The following NAV2 variants were observed in gnomAD, a reference collection of about 807,000 sequenced individuals.
NAV2 encodes the protein helicase, APC down-regulated 1.
In NAV2, 54 loss-of-function variants were observed where a neutral mutation model predicts 223.2. The ratio of observed to expected loss-of-function variants is 0.24; its 90% confidence interval spans 0.19 to 0.30. The LOEUF (loss-of-function observed/expected upper bound fraction) is 0.30. NAV2 is among the 10% of genes least tolerant of loss of function. The pLI is 1.00. For missense variants in NAV2, 2,806 were observed against 3,147.5 expected (o/e 0.89, Z 2.60); for synonymous variants, 1,279 against 1,239.3 (o/e 1.03, Z -0.67).
At chr11:19,641,210 T>C (rs1190483253) in intron 1 of NAV2, among the ~76,000 whole-genome samples, 1 of 152,190 alleles carries the variant, frequency 6.6e-6, no homozygotes, top group East Asian at 1.9e-4. Flanking sequence ...TTCCCAGCCC[T>C]AGGAATTTTG....
Position 19,364,544 on chromosome 11 carries a change from A to C in NAV2, c.75+13517A>C, listed in dbSNP as rs566384148. Among the ~76,000 whole-genome samples the C allele has an allele frequency of 1.9e-4, 29 of 152,298 alleles. No homozygotes were observed. The South Asian group carries it at 4.1e-3, about 22-fold the overall frequency. On this transcript the variant is annotated intron_variant, in intron 1 of 37. Transcript: ENST00000360655. Reference sequence around the variant, plus strand: ...CAATTTTGATCCTAGTCATATGTGAATGGGTCTTTAGCTCCTGCTAGCCTG... The same window carrying C: ...CAATTTTGATCCTAGTCATATGTGACTGGGTCTTTAGCTCCTGCTAGCCTG...
chr11:19,843,757 CTA>C (rs2060632753), intron 3 of NAV2, among the ~76,000 whole-genome samples: 1 of 83,360 alleles, frequency 1.2e-5, no homozygotes. Flanking sequence ...TTCCAGAAAT[CTA>C]AAAAAAAAAA....
At chr11:19,584,164 A>G (rs1252376688) in intron 1 of NAV2, among the ~76,000 whole-genome samples, 2 of 152,130 alleles carry the variant, frequency 1.3e-5, no homozygotes, top group Non-Finnish European at 2.9e-5. Flanking sequence ...GTTTATTTGC[A>G]TAGAGGTGTT....
intron 31 of NAV2, among the ~76,000 whole-genome samples, chr11:20,098,713 A>G (rs1272320670): frequency 6.6e-6 from 1 of 152,236 alleles, no homozygotes; most frequent in African/African-American, 2.4e-5. Flanking sequence ...TCCTCCTGCT[A>G]GCAAGTGAAA....
intron 14 of NAV2, 63 bp downstream of exon 14, chr11:20,045,733 C>G (rs1457276652): frequency 7.2e-7 from 1 of 1,381,378 alleles, no homozygotes; most frequent in African/African-American, 1.4e-5. Flanking sequence ...TTAGTAATTT[C>G]CTGTTTCTTA....
intron 1 of NAV2, among the ~76,000 whole-genome samples, chr11:19,811,479 C>CT (rs1208159241): frequency 6.6e-6 from 1 of 152,160 alleles, no homozygotes; most frequent in Non-Finnish European, 1.5e-5. Context: ...AGGGAGGCTT[C>CT]TATGGGTGGA....
At chr11:19,928,929 A>G (rs2045047741) in intron 6 of NAV2, among the ~76,000 whole-genome samples, 1 of 152,192 alleles carries the variant, frequency 6.6e-6, no homozygotes, top group South Asian at 2.1e-4. Flanking sequence ...GGAAAGCTTC[A>G]TGCTAGGAGT....
chr11:19,816,327 G>T (rs1322755323), intron 1 of NAV2, among the ~76,000 whole-genome samples: 1 of 152,232 alleles, frequency 6.6e-6, no homozygotes, highest in South Asian at 2.1e-4. Context: ...TAAAGCCTTT[G>T]CTACACAACT....
At chr11:19,685,119 C>T (rs2048987109) in intron 1 of NAV2, among the ~76,000 whole-genome samples, 1 of 152,198 alleles carries the variant, frequency 6.6e-6, no homozygotes, top group Admixed American at 6.5e-5. Flanking sequence ...CATGATCCCA[C>T]CCTGGGCCAG....
chr11:19,909,324 C>A (rs1215986726), intron 6 of NAV2, among the ~76,000 whole-genome samples: 1 of 152,116 alleles, frequency 6.6e-6, no homozygotes, highest in African/African-American at 2.4e-5. Flanking sequence ...TCCAGGAGTA[C>A]CCAGGCAGTA....
intron 1 of NAV2, among the ~76,000 whole-genome samples, chr11:19,353,402 T>G (rs1853437618): frequency 6.6e-6 from 1 of 152,146 alleles, no homozygotes; most frequent in South Asian, 2.1e-4. Flanking sequence ...TCTGGCTGTT[T>G]GTGGGTACGT....
At chr11:19,818,231 A>ATTTTTTTTTTT (rs34649376) in intron 1 of NAV2, among the ~76,000 whole-genome samples, 5 of 56,038 alleles carry the variant, frequency 8.9e-5, no homozygotes, top group East Asian at 6.0e-4. Context: ...GTATTTAGTG[A>ATTTTTTTTTTT]TTTTTTTTTT....
intron 1 of NAV2, among the ~76,000 whole-genome samples, chr11:19,512,941 C>T (rs996275276): frequency 5.9e-5 from 9 of 152,184 alleles, no homozygotes; most frequent in Admixed American, 1.3e-4. Context: ...CTTTGATTTT[C>T]TTGAGATATG....
chr11:19,345,799 G>C (rs931334397), upstream of NAV2, among the ~76,000 whole-genome samples: 1 of 152,188 alleles, frequency 6.6e-6, no homozygotes, highest in African/African-American at 2.4e-5. The surrounding 1 kb of genome is among the most constrained non-coding windows in gnomAD (Gnocchi z 5.2). Context: ...CTGGGCGTAC[G>C]TGCCTGAGGC....
intron 1 of NAV2, among the ~76,000 whole-genome samples, chr11:19,623,970 T>C (rs1357744477): frequency 1.3e-5 from 2 of 152,232 alleles, no homozygotes; most frequent in Non-Finnish European, 2.9e-5. Flanking sequence ...TTCTGTTTGT[T>C]AGTTTTCCTT....
chr11:19,394,289 G>A (rs1434273991), intron 1 of NAV2, among the ~76,000 whole-genome samples: 2 of 152,072 alleles, frequency 1.3e-5, no homozygotes, highest in African/African-American at 4.8e-5. Flanking sequence ...TCTCTTTTAG[G>A]TATAGACAGT....
At chr11:20,104,055 A>G (rs1289554343) in intron 34 of NAV2, among the ~76,000 whole-genome samples, 1 of 152,206 alleles carries the variant, frequency 6.6e-6, no homozygotes. Flanking sequence ...AAGGGACTGC[A>G]GGTGACCCTG....
At chr11:19,776,095 T>C (rs1431399407) in intron 1 of NAV2, among the ~76,000 whole-genome samples, 1 of 145,788 alleles carries the variant, frequency 6.9e-6, no homozygotes, top group Non-Finnish European at 1.5e-5. Flanking sequence ...AAGCAATCCA[T>C]GATTTCTCAT....
chr11:20,100,942 G>A lies in NAV2; in HGVS notation c.6187G>A (p.Ala2063Thr), dbSNP rs149468678. ...CCTGTCTCTCTCAAATGCAGGGCTC[G>A]CAGAAAACAGCCTGGACTCACTGGT... Reference protein sequence around the residue: ...TTISVTVKGLAENSLDSLVFE... With the variant: ...TTISVTVKGLTENSLDSLVFE... Residue 2063 changes from alanine (A) to threonine (T), a missense_variant, in exon 32 of 38, where the codon GCA becomes ACA. By Grantham distance (58) the Ala-to-Thr change is moderately conservative (BLOSUM62 0). Around this residue, in one of 4 missense-constraint regions of NAV2, gnomAD observed 824 missense variants for 1,069.4 expected, o/e 0.77. Transcript: ENST00000349880. The A allele has an allele frequency of 9.7e-4, 1,565 of 1,613,728 alleles. 13 individuals carry two copies. In the African/African-American group the frequency reaches 0.017, roughly 18 times the overall value.
Sources: allele counts gnomAD v4.1 joint callset (sites outside exome capture counted in the v4.1 genomes callset), GRCh38; gene constraint gnomAD v4.1.1; regional missense constraint gnomAD v4.1.1; non-coding constraint Gnocchi (gnomAD v3.1); transcripts MANE v1.5; gene names NCBI Gene and HGNC (gene_info 2026-07-23, HGNC 2026-07-21).